The following FRMD6 variants were observed in gnomAD, a reference collection of about 807,000 sequenced individuals.
FRMD6 encodes FERM domain containing 6.
In FRMD6, 37 loss-of-function variants were observed where a neutral mutation model predicts 73.2. The observed-to-expected ratio is 0.51, with a 90% confidence interval of 0.39 to 0.66. The LOEUF (loss-of-function observed/expected upper bound fraction) is 0.66, where lower values mean the gene tolerates loss of function less well. Ranked by LOEUF, FRMD6 falls within the 30% of genes least tolerant of loss-of-function variation. The pLI is 0.00. For missense variants in FRMD6, 714 were observed against 780.5 expected (o/e 0.91, Z 1.02); for synonymous variants, 273 against 282.2 (o/e 0.97, Z 0.33).
chr14:51,580,127 C>CGT (rs3060586), intron 2 of FRMD6, among the ~76,000 whole-genome samples: 38,207 of 149,746 alleles, frequency 0.26, 4,819 homozygotes, highest in Middle Eastern at 0.3. Context: ...TTGTGTGCAC[C>CGT]GTGTGTGTGT....
the FRMD6 span, among the ~76,000 whole-genome samples, chr14:51,429,051 A>G: frequency 2.7e-5 from 3 of 110,686 alleles, no homozygotes; most frequent in African/African-American, 7.0e-5. Context: ...AGAAAAGGGA[A>G]GAGAAGAGGA....
At chr14:51,410,524 T>G in the FRMD6 span, among the ~76,000 whole-genome samples, 1 of 152,232 alleles carries the variant, frequency 6.6e-6, no homozygotes. Flanking sequence ...ATTTACTAAG[T>G]CAAAAGCCAT....
chr14:51,673,138 G>C (rs935348774), intron 1 of FRMD6, among the ~76,000 whole-genome samples: 9 of 152,124 alleles, frequency 5.9e-5, no homozygotes, highest in African/African-American at 1.9e-4. Context: ...TAACCTATCT[G>C]ATGCCATAAA....
intron 1 of FRMD6, among the ~76,000 whole-genome samples, chr14:51,530,742 C>T (rs1428758760): frequency 6.6e-6 from 1 of 152,114 alleles, no homozygotes; most frequent in East Asian, 1.9e-4. Context: ...CTGCTTCAGC[C>T]TCCCAACATG....
intron 2 of FRMD6, among the ~76,000 whole-genome samples, chr14:51,593,049 A>T (rs749529320): frequency 2.0e-5 from 3 of 152,232 alleles, no homozygotes; most frequent in African/African-American, 4.8e-5. Flanking sequence ...TTTGTCACTC[A>T]GTTTAGTAAA....
At chr14:51,501,089 T>C (rs1341553430) in intron 1 of FRMD6, among the ~76,000 whole-genome samples, 1 of 152,192 alleles carries the variant, frequency 6.6e-6, no homozygotes, top group Non-Finnish European at 1.5e-5. Flanking sequence ...CTCTAACAAT[T>C]GGGCTTAGAA....
At chr14:51,623,865 C>A (rs1428205249) in intron 2 of FRMD6, among the ~76,000 whole-genome samples, 1 of 152,120 alleles carries the variant, frequency 6.6e-6, no homozygotes, top group Admixed American at 6.5e-5. Flanking sequence ...CAAAAAGATG[C>A]TGTATGTCAA....
intron 2 of FRMD6, among the ~76,000 whole-genome samples, chr14:51,616,513 A>G (rs1231811678): frequency 6.6e-6 from 1 of 152,264 alleles, no homozygotes; most frequent in Middle Eastern, 3.4e-3. Flanking sequence ...GGTGAATCAT[A>G]AATGTCTGAG....
At chr14:51,705,039 T>G in intron 6 of FRMD6, 104 bp downstream of exon 6, 2 of 1,029,758 alleles carry the variant, frequency 1.9e-6, no homozygotes, top group Non-Finnish European at 2.8e-6. Context: ...AGATGTTCTG[T>G]GGCCAAATTC....
chr14:51,465,447 C>G, the FRMD6 span, among the ~76,000 whole-genome samples: 1 of 152,194 alleles, frequency 6.6e-6, no homozygotes, highest in Admixed American at 6.5e-5. Flanking sequence ...CCTCCCTCCC[C>G]CCGCCATCTC....
intron 2 of FRMD6, among the ~76,000 whole-genome samples, chr14:51,573,409 A>G (rs1471102964): frequency 6.6e-6 from 1 of 152,176 alleles, no homozygotes; most frequent in African/African-American, 2.4e-5. Flanking sequence ...GGAGAGAGAG[A>G]GGGGAGGAAA....
At chr14:51,664,659 T>C (rs903495270) in intron 1 of FRMD6, among the ~76,000 whole-genome samples, 1 of 152,228 alleles carries the variant, frequency 6.6e-6, no homozygotes, top group Non-Finnish European at 1.5e-5. Context: ...TCCTTTGCAG[T>C]GGATTAGGGC....
At position 51,572,478 on chromosome 14, in the gene FRMD6, G is replaced by A. The variant is rs112866584; in HGVS notation, c.-147+2068G>A. On this transcript the variant is annotated intron_variant, in intron 2 of 14. Transcript: ENST00000356218. Reference sequence around the variant, plus strand: ...TCATAGCATATGCTGGAAAGGTACAGTTGCATCTATGACATATTGCCCTGT... The same window carrying A: ...TCATAGCATATGCTGGAAAGGTACAATTGCATCTATGACATATTGCCCTGT... Among the ~76,000 whole-genome samples, 39 of 152,346 alleles carry A rather than the reference G, an allele frequency of 2.6e-4. 1 individual carries two copies. The highest frequency in any genetic ancestry group is 8.9e-4 in the African/African-American group (37 of 41,586).
At chr14:51,483,430 T>A in the FRMD6 span, among the ~76,000 whole-genome samples, 2 of 152,264 alleles carry the variant, frequency 1.3e-5, no homozygotes, top group South Asian at 4.1e-4. Context: ...TGATGGGGCA[T>A]TTGAAGGGAG....
chr14:51,680,322 C>T (rs963167345), intron 1 of FRMD6, among the ~76,000 whole-genome samples: 3 of 152,222 alleles, frequency 2.0e-5, no homozygotes, highest in Admixed American at 6.5e-5. Flanking sequence ...TTCATGGAAT[C>T]TTTCCTGAAT....
chr14:51,431,015 T>C, the FRMD6 span, among the ~76,000 whole-genome samples: 1 of 152,220 alleles, frequency 6.6e-6, no homozygotes, highest in Non-Finnish European at 1.5e-5. Context: ...TGTGTGTGTG[T>C]TTATGAGGAT....
chr14:51,617,657 G>A (rs1022569051), intron 2 of FRMD6, among the ~76,000 whole-genome samples: 7 of 152,104 alleles, frequency 4.6e-5, no homozygotes, highest in Admixed American at 2.6e-4. Flanking sequence ...GTTGTTGAAG[G>A]GATTAAATGA....
At chr14:51,693,821 C>T (rs750643713) in intron 2 of FRMD6, among the ~76,000 whole-genome samples, 22 of 152,188 alleles carry the variant, frequency 1.4e-4, no homozygotes, top group Admixed American at 1.4e-3. Flanking sequence ...TATGCCCAAA[C>T]TCCTCTCCAG....
chr14:51,719,773 C>T (rs1324077597), intron 10 of FRMD6, among the ~76,000 whole-genome samples: 1 of 152,192 alleles, frequency 6.6e-6, no homozygotes, highest in Non-Finnish European at 1.5e-5. Context: ...AATAAATTTG[C>T]AGACAAGAAG....
Sources: gnomAD v4.1 joint callset for allele counts (sites outside exome capture counted in the v4.1 genomes callset) on GRCh38, gnomAD v4.1.1 for gene constraint, MANE v1.5 for transcripts, NCBI Gene and HGNC (gene_info 2026-07-23, HGNC 2026-07-21) for gene names.